Variants in CDH4 observed in about 807,000 individuals in gnomAD.
CDH4 encodes cadherin-4.
CDH4 carries 33 observed loss-of-function variants against 86.0 expected under a neutral mutation model. That is an observed-to-expected ratio of 0.38 (90% CI 0.29 to 0.51). The LOEUF is 0.51. CDH4 is among the 20% of genes least tolerant of loss of function. The probability of loss-of-function intolerance (pLI) is 0.86; values close to 1 mark genes in which losing one functional copy is unlikely to be tolerated. For synonymous variants in CDH4, 555 were observed against 549.4 expected, an observed-to-expected ratio of 1.01 and a Z score of -0.14; for missense variants, 1,114 against 1,307.4, an observed-to-expected ratio of 0.85 and a Z score of 2.28.
At position 61,735,007 on chromosome 20, in the gene CDH4, T is replaced by G. The variant is rs191270988; in HGVS notation, c.170-8556T>G. Among the ~76,000 whole-genome samples the G allele has an allele frequency of 1.2e-3, 182 of 149,564 alleles. 1 individual carries two copies. Among genetic ancestry groups the G allele is most frequent in the Middle Eastern group, 7.2e-3 (2 of 276 alleles). On this transcript the variant is annotated intron_variant, in intron 2 of 15. Coordinates refer to ENST00000614565, the MANE Select transcript of CDH4 (RefSeq NM_001794.5). ...GCTGTTGCTCTGCGGCCCCTCCCTGTGGCCCCTCCCGGCAAGCACCATCGT... is the reference window on the plus strand; with the variant it reads ...GCTGTTGCTCTGCGGCCCCTCCCTGGGGCCCCTCCCGGCAAGCACCATCGT...
intron 2 of CDH4, among the ~76,000 whole-genome samples, chr20:61,434,409 G>T (rs988204664): frequency 3.3e-5 from 5 of 152,202 alleles, no homozygotes; most frequent in Admixed American, 6.5e-5. Context: ...AGGGATGAAC[G>T]TGGGTGATTT....
chr20:61,636,328 AT>A (rs1446099630), intron 2 of CDH4, among the ~76,000 whole-genome samples: 1 of 152,242 alleles, frequency 6.6e-6, no homozygotes, highest in Non-Finnish European at 1.5e-5. Context: ...AGTGGCTCCT[AT>A]TTAATCTGGG....
intron 4 of CDH4, among the ~76,000 whole-genome samples, chr20:61,793,164 C>T (rs1309823895): frequency 6.6e-6 from 1 of 151,720 alleles, no homozygotes; most frequent in Non-Finnish European, 1.5e-5. Context: ...CGGTTATCAC[C>T]ATGTTGGCCA....
intron 3 of CDH4, among the ~76,000 whole-genome samples, chr20:61,745,870 G>T (rs1200254660): frequency 6.6e-6 from 1 of 152,214 alleles, no homozygotes; most frequent in Non-Finnish European, 1.5e-5. Context: ...AAAATATAAT[G>T]ACACCTTTTC....
At chr20:61,577,934 T>TA (rs2086395974) in intron 2 of CDH4, among the ~76,000 whole-genome samples, 1 of 152,112 alleles carries the variant, frequency 6.6e-6, no homozygotes, top group Non-Finnish European at 1.5e-5. Context: ...TTTCTCTCCT[T>TA]AATGTCTCCT....
chr20:61,754,571 A>G lies in CDH4; in HGVS notation c.396+10782A>G, dbSNP rs1378746204. Reference sequence around the variant, plus strand: ...GGTGCCATTCCAAGGGCAGCAGCACACAACAGGTGCAGGCACACTGCCCGG... The same window carrying G: ...GGTGCCATTCCAAGGGCAGCAGCACGCAACAGGTGCAGGCACACTGCCCGG... On this transcript the variant is annotated intron_variant, in intron 3 of 15. Transcript: ENST00000614565. This position sits in a 1 kb window ranked among gnomAD's most constrained non-coding sequence, Gnocchi z 4.7. 6.6e-6 allele frequency among the ~76,000 whole-genome samples: 1 copy of G among 151,446 alleles called. No homozygotes were observed. The highest frequency in any genetic ancestry group is 1.5e-5 in the Non-Finnish European group (1 of 67,982).
intron 7 of CDH4, among the ~76,000 whole-genome samples, chr20:61,877,702 C>T (rs149923007): frequency 1.9e-3 from 283 of 152,196 alleles, no homozygotes; most frequent in African/African-American, 6.1e-3. Flanking sequence ...TGCTAACATT[C>T]GATTCCAGGA....
chr20:61,565,215 C>CGGTGGTAGGTGGTGGTGGTGGTGGT (rs2086267745), intron 2 of CDH4, among the ~76,000 whole-genome samples: 1 of 41,168 alleles, frequency 2.4e-5, no homozygotes, highest in Non-Finnish European at 4.5e-5. Context: ...GCGGTGCTCT[C>CGGTGGTAGGTGGTGGTGGTGGTGGT]GGTGGTAGGT....
At chr20:61,325,889 G>A (rs1011440350) in intron 2 of CDH4, among the ~76,000 whole-genome samples, 3 of 152,154 alleles carry the variant, frequency 2.0e-5, no homozygotes, top group African/African-American at 7.2e-5. Context: ...ACGCAAGTGG[G>A]TTGCCTCTTT....
At chr20:61,457,085 C>T (rs770569766) in intron 2 of CDH4, among the ~76,000 whole-genome samples, 16 of 152,126 alleles carry the variant, frequency 1.1e-4, no homozygotes, top group Non-Finnish European at 8.8e-5. Context: ...TTACAGCATC[C>T]ACCTGAAACA....
At chr20:61,575,171 G>A (rs572977372) in intron 2 of CDH4, among the ~76,000 whole-genome samples, 1 of 152,302 alleles carries the variant, frequency 6.6e-6, no homozygotes, top group South Asian at 2.1e-4. Flanking sequence ...TGATCCAGAG[G>A]CTGAAGCCAT....
At chr20:61,310,994 C>G (rs2123222657) in intron 2 of CDH4, among the ~76,000 whole-genome samples, 1 of 152,222 alleles carries the variant, frequency 6.6e-6, no homozygotes, top group African/African-American at 2.4e-5. Flanking sequence ...GGACACAGGT[C>G]AGCCCTAACG....
chr20:61,852,132 C>T (rs1261477694), intron 5 of CDH4, among the ~76,000 whole-genome samples: 1 of 151,614 alleles, frequency 6.6e-6, no homozygotes, highest in African/African-American at 2.4e-5. Flanking sequence ...TCCACGGATC[C>T]CCCCACCCCA....
chr20:61,904,413 G>A (rs111783309), intron 8 of CDH4, among the ~76,000 whole-genome samples: 3,219 of 152,120 alleles, frequency 0.021, 108 homozygotes, highest in African/African-American at 0.072. Flanking sequence ...TCCCTCTTCC[G>A]TCTCTCCCCT....
At chr20:61,843,302 T>C (rs1222241400) in intron 4 of CDH4, among the ~76,000 whole-genome samples, 1 of 150,294 alleles carries the variant, frequency 6.7e-6, no homozygotes, top group African/African-American at 2.4e-5. Context: ...TACAAAAAAT[T>C]AGCCGGGCGC....
rs565070607 is a variant in CDH4 at position 61,545,417 on chromosome 20, G to A, written c.170-198146G>A. On this transcript the variant is annotated intron_variant, in intron 2 of 15. Coordinates refer to ENST00000614565, the MANE Select transcript of CDH4 (RefSeq NM_001794.5). ...GGATGCTTTTCCTTCAGGTCATGGC[G>A]ATCAGTCTGTCACGGGAAGGACGCT... Among the ~76,000 whole-genome samples the A allele has an allele frequency of 4.9e-4, 74 of 152,328 alleles. No homozygotes were observed. The South Asian group carries it at 0.013, about 28-fold the overall frequency.
intron 2 of CDH4, among the ~76,000 whole-genome samples, chr20:61,351,578 TG>T (rs1211459121): frequency 6.6e-6 from 1 of 152,128 alleles, no homozygotes; most frequent in East Asian, 1.9e-4. Context: ...TGTATGTGTA[TG>T]GGGGGGACGT....
chr20:61,507,370 T>C (rs1032999967), intron 2 of CDH4, among the ~76,000 whole-genome samples: 1 of 152,210 alleles, frequency 6.6e-6, no homozygotes, highest in African/African-American at 2.4e-5. Flanking sequence ...GATTTATTTT[T>C]AGCTCTTATT....
At chr20:61,590,515 G>A (rs764227543) in intron 2 of CDH4, among the ~76,000 whole-genome samples, 4 of 152,168 alleles carry the variant, frequency 2.6e-5, no homozygotes, top group Non-Finnish European at 5.9e-5. Context: ...CTTCTTTATA[G>A]AAAATAGAAA....
Sources: gnomAD v4.1 joint callset for allele counts (sites outside exome capture counted in the v4.1 genomes callset) on GRCh38, gnomAD v4.1.1 for gene constraint, Gnocchi (gnomAD v3.1) non-coding constraint, MANE v1.5 for transcripts, NCBI Gene and HGNC (gene_info 2026-07-23, HGNC 2026-07-21) for gene names.